The following ROBO2 variants were observed in gnomAD, a reference collection of about 807,000 sequenced individuals.
ROBO2 encodes the protein roundabout guidance receptor 2.
ROBO2 carries 53 observed loss-of-function variants against 160.8 expected under a neutral mutation model. The ratio of observed to expected loss-of-function variants is 0.33; its 90% CI spans 0.26 to 0.41. The LOEUF is 0.41. Among genes scored for constraint, ROBO2 ranks in the 10% least tolerant of loss-of-function variants. ROBO2 has a pLI of 1.00. For missense variants in ROBO2, 1,577 were observed against 1,722.4 expected, an observed-to-expected ratio of 0.92 and a Z score of 1.49; for synonymous variants, 664 against 611.7, an observed-to-expected ratio of 1.09 and a Z score of -1.26.
chr3:77,485,259 C>T (rs1009573236), intron 4 of ROBO2, among the ~76,000 whole-genome samples: 1 of 152,022 alleles, frequency 6.6e-6, no homozygotes, highest in South Asian at 2.1e-4. Flanking sequence ...TCTCTCCAGA[C>T]CTTAGAGTTC....
intron 2 of ROBO2, among the ~76,000 whole-genome samples, chr3:77,144,083 A>T (rs2076936839): frequency 6.6e-6 from 1 of 152,164 alleles, no homozygotes; most frequent in Non-Finnish European, 1.5e-5. Context: ...TCCTTTTGTA[A>T]TTCCTATCAG....
chr3:76,506,535 C>T lies in ROBO2; in HGVS notation c.109+568933C>T, dbSNP rs570503098. On this transcript the variant is annotated intron_variant, in intron 2 of 26. Coordinates refer to the ROBO2 transcript ENST00000487694. ...AGGACTAATTCAAGTGCTGCTTTGC[C>T]TCATGAAGGCTTCCCCAATGCTCCT... is the stretch of plus-strand genomic sequence containing the variant. 5.9e-5 allele frequency among the ~76,000 whole-genome samples: 9 copies of T among 152,286 alleles called. No homozygotes were observed. In the South Asian group the frequency reaches 1.5e-3, roughly 25 times the overall value.
chr3:76,111,959 C>A (rs745428907), intron 2 of ROBO2, among the ~76,000 whole-genome samples: 2 of 152,112 alleles, frequency 1.3e-5, no homozygotes, highest in Admixed American at 6.6e-5. Context: ...AGATAATTAG[C>A]CACAATGACC....
At chr3:77,410,550 T>TC (rs1293368960) in intron 2 of ROBO2, among the ~76,000 whole-genome samples, 10 of 72,598 alleles carry the variant, frequency 1.4e-4, no homozygotes, top group Admixed American at 2.4e-4. Context: ...TTCTTCCTCC[T>TC]CTTCTTCCTC....
chr3:76,753,302 A>C (rs1025692367), intron 2 of ROBO2, among the ~76,000 whole-genome samples: 6 of 151,972 alleles, frequency 3.9e-5, no homozygotes, highest in Non-Finnish European at 8.8e-5. Flanking sequence ...AAATATTTTA[A>C]ATCAATTTTT....
chr3:76,770,675 A>G (rs1357398393), intron 2 of ROBO2, among the ~76,000 whole-genome samples: 8 of 151,194 alleles, frequency 5.3e-5, no homozygotes, highest in African/African-American at 1.9e-4. Context: ...GGAGAAAGAG[A>G]AAAATTGAAC....
intron 2 of ROBO2, among the ~76,000 whole-genome samples, chr3:77,409,132 C>T (rs1005284031): frequency 6.9e-6 from 1 of 145,300 alleles, no homozygotes; most frequent in African/African-American, 2.5e-5. Context: ...TAGTCTTTTA[C>T]TGAGGTTAAA....
intron 2 of ROBO2, among the ~76,000 whole-genome samples, chr3:77,150,028 A>AT (rs1244276884): frequency 6.6e-6 from 1 of 152,088 alleles, no homozygotes; most frequent in Non-Finnish European, 1.5e-5. Context: ...TTTGTTCCTG[A>AT]TTTTTTCCTT....
At chr3:76,492,899 AT>A (rs2079912000) in intron 2 of ROBO2, among the ~76,000 whole-genome samples, 1 of 152,200 alleles carries the variant, frequency 6.6e-6, no homozygotes. Context: ...ATAATTGGAT[AT>A]AATCATGTAA....
At chr3:77,317,014 TTC>T (rs1220950642) in intron 2 of ROBO2, 12 of 1,527,098 alleles carry the variant, frequency 7.9e-6, no homozygotes, top group Middle Eastern at 2.3e-4. Flanking sequence ...CTTGTTCACC[TTC>T]TGGTAAATGG....
intron 2 of ROBO2, among the ~76,000 whole-genome samples, chr3:76,793,413 C>G (rs1433321816): frequency 6.6e-6 from 1 of 151,652 alleles, no homozygotes; most frequent in Non-Finnish European, 1.5e-5. Context: ...ACTTTAGGTA[C>G]GAGGTTTGGT....
intron 2 of ROBO2, among the ~76,000 whole-genome samples, chr3:76,488,289 C>A (rs1374484485): frequency 6.6e-6 from 1 of 152,160 alleles, no homozygotes; most frequent in African/African-American, 2.4e-5. Flanking sequence ...TATCTTATGA[C>A]CTCATGGCTT....
At position 76,706,986 on chromosome 3, in the gene ROBO2, T is replaced by A. The variant is rs371527484; in HGVS notation, c.110-391028T>A. On this transcript the variant is annotated intron_variant, in intron 2 of 26. Transcript: ENST00000487694. ...AAATTTGTTCAGACAACTTGACAGA[T>A]TTCTAAAGTGTCTTTGTGTGTATAT... is the stretch of plus-strand genomic sequence containing the variant. 1.1e-4 allele frequency among the ~76,000 whole-genome samples: 16 copies of A among 151,916 alleles called. 1 individual carries two copies. The South Asian group carries it at 1.2e-3, about 12-fold the overall frequency.
At chr3:76,975,664 C>T (rs2059782868) in intron 2 of ROBO2, among the ~76,000 whole-genome samples, 1 of 152,076 alleles carries the variant, frequency 6.6e-6, no homozygotes, top group South Asian at 2.1e-4. Context: ...TATAATTCTT[C>T]CCCTGAGAAA....
chr3:77,010,825 C>G lies in ROBO2; in HGVS notation c.110-87189C>G, dbSNP rs372959581. On this transcript the variant is annotated intron_variant, in intron 2 of 26. Coordinates refer to the ROBO2 transcript ENST00000487694. Reference sequence around the variant, plus strand: ...TGAAGGTCTTTTTCTTTCTCTCCTTCCTTCCTTCCTCCCTCCCTCCCTCCC... The same window carrying G: ...TGAAGGTCTTTTTCTTTCTCTCCTTGCTTCCTTCCTCCCTCCCTCCCTCCC... Among the ~76,000 whole-genome samples, 458 of 141,980 alleles carry G rather than the reference C, an allele frequency of 3.2e-3. 6 individuals carry two copies. The highest frequency in any genetic ancestry group is 0.011 in the African/African-American group (438 of 39,854). 93.1% of individuals were successfully genotyped at this position (141,980 alleles called of 152,430 possible). A position where few individuals can be genotyped will look rare whatever the true frequency, so the allele number is the denominator to read the frequency against.
intron 2 of ROBO2, among the ~76,000 whole-genome samples, chr3:76,830,598 G>T (rs997505059): frequency 1.3e-5 from 2 of 152,050 alleles, no homozygotes; most frequent in Non-Finnish European, 2.9e-5. Context: ...GTACTTTGAA[G>T]AATTTTCTCT....
At chr3:77,049,279 A>G (rs1459986520) in intron 1 of ROBO2, among the ~76,000 whole-genome samples, 3 of 152,150 alleles carry the variant, frequency 2.0e-5, no homozygotes. Context: ...GCAGCGAGCC[A>G]TGATTACACC....
intron 2 of ROBO2, among the ~76,000 whole-genome samples, chr3:77,268,825 T>A (rs1026230816): frequency 1.3e-5 from 2 of 152,210 alleles, no homozygotes; most frequent in African/African-American, 4.8e-5. Context: ...TTAGCAGCAA[T>A]TTAGAGAGCC....
At chr3:76,138,860 T>G (rs554493328) in intron 2 of ROBO2, among the ~76,000 whole-genome samples, 27 of 152,214 alleles carry the variant, frequency 1.8e-4, no homozygotes, top group African/African-American at 6.5e-4. Flanking sequence ...TTTTTAGAAT[T>G]TTTAGGTAAT....
Sources: allele counts gnomAD v4.1 joint callset (sites outside exome capture counted in the v4.1 genomes callset), GRCh38; gene constraint gnomAD v4.1.1; transcripts MANE v1.5; gene names NCBI Gene and HGNC (gene_info 2026-07-23, HGNC 2026-07-21).